SLC25A21: variants seen among roughly 807,000 people sequenced by gnomAD.
The protein encoded by SLC25A21 is solute carrier family 25 member 21, also known as mitochondrial 2-oxodicarboxylate carrier.
A neutral mutation model predicts 43.8 loss-of-function variants in SLC25A21; 47 were observed. The ratio of observed to expected loss-of-function variants is 1.07; its 90% CI spans 0.85 to 1.37. The LOEUF (loss-of-function observed/expected upper bound fraction) is 1.37, where lower values mean the gene tolerates loss of function less well. SLC25A21 is among the 40% of genes most tolerant of loss of function. The pLI is 0.00. For missense variants in SLC25A21, 352 were observed against 350.2 expected (o/e 1.00, Z -0.04); for synonymous variants, 131 against 121.3 (o/e 1.08, Z -0.52).
intron 1 of SLC25A21, among the ~76,000 whole-genome samples, chr14:37,167,957 C>T (rs1452477444): frequency 1.3e-5 from 2 of 152,066 alleles, no homozygotes; most frequent in African/African-American, 4.8e-5. Flanking sequence ...TCCAGTCTCC[C>T]ACACAGCTGG....
intron 1 of SLC25A21, among the ~76,000 whole-genome samples, chr14:37,079,126 C>T (rs757061411): frequency 9.9e-5 from 15 of 152,028 alleles, no homozygotes; most frequent in Non-Finnish European, 2.2e-4. Flanking sequence ...CATCATAGGC[C>T]CTCTGTTGTT....
chr14:36,773,518 T>C (rs2138361949), intron 3 of SLC25A21, among the ~76,000 whole-genome samples: 1 of 152,316 alleles, frequency 6.6e-6, no homozygotes, highest in South Asian at 2.1e-4. Context: ...TAATTTGAAA[T>C]CTAGAACTGT....
chr14:36,679,198 T>TTTTG lies in SLC25A21; in HGVS notation c.*1456_*1459dup. The TTTTG allele has an allele frequency of 1.0e-6, 1 of 985,034 alleles. No homozygotes were observed. The highest frequency in any genetic ancestry group is 4.7e-5 in the South Asian group (1 of 21,284). 61.0% of individuals were successfully genotyped at this position (985,034 alleles called of 1,614,324 possible). A position where few individuals can be genotyped will look rare whatever the true frequency, so the allele number is the denominator to read the frequency against. Reference sequence around the variant, plus strand: ...TTATTTCTTTTTTTTCACAATTTTGTTTTGTTTTTAATGACCCTTTTATTG... The same window carrying TTTTG: ...TTATTTCTTTTTTTTCACAATTTTGTTTTGTTTGTTTTTAATGACCCTTTTATTG... On this transcript the variant is annotated 3_prime_UTR_variant, in exon 10 of 10. Coordinates refer to ENST00000331299, the MANE Select transcript of SLC25A21 (RefSeq NM_030631.4).
chr14:36,853,754 T>C (rs1423335398), intron 2 of SLC25A21, among the ~76,000 whole-genome samples: 1 of 152,236 alleles, frequency 6.6e-6, no homozygotes, highest in Non-Finnish European at 1.5e-5. Flanking sequence ...TTTAATGGTC[T>C]GACCCCTGGG....
chr14:36,946,698 A>G (rs1892686939), intron 1 of SLC25A21, among the ~76,000 whole-genome samples: 1 of 152,150 alleles, frequency 6.6e-6, no homozygotes, highest in Admixed American at 6.6e-5. Flanking sequence ...AATCTAGGTA[A>G]CAGTTGGTTT....
intron 1 of SLC25A21, among the ~76,000 whole-genome samples, chr14:36,906,973 C>G (rs1294181255): frequency 6.6e-6 from 1 of 152,054 alleles, no homozygotes; most frequent in Non-Finnish European, 1.5e-5. Context: ...TCTAGAGGCC[C>G]AGAAAAACAC....
chr14:37,085,460 T>C (rs954087386), intron 1 of SLC25A21, among the ~76,000 whole-genome samples: 1 of 152,232 alleles, frequency 6.6e-6, no homozygotes, highest in African/African-American at 2.4e-5. Flanking sequence ...CATAAAAGTT[T>C]ATATAATTTT....
intron 3 of SLC25A21, among the ~76,000 whole-genome samples, chr14:36,748,690 T>G (rs1162764754): frequency 6.6e-6 from 1 of 152,222 alleles, no homozygotes; most frequent in East Asian, 1.9e-4. Context: ...TTTGTGGACT[T>G]TGTCTGTTTC....
intron 1 of SLC25A21, among the ~76,000 whole-genome samples, chr14:37,079,886 G>C (rs1391459860): frequency 1.3e-5 from 2 of 152,174 alleles, no homozygotes; most frequent in African/African-American, 4.8e-5. Context: ...AGGATGTGGG[G>C]CTTGTGGTAG....
In SLC25A21 at chr14:36,729,058, C is replaced by T. The variant is rs1045267797; in HGVS notation, c.330+449G>A. Among the ~76,000 whole-genome samples the T allele has an allele frequency of 2.6e-5, 4 of 152,176 alleles. No homozygotes were observed. In the East Asian group the frequency reaches 7.7e-4, roughly 29 times the overall value. On this transcript the variant is annotated intron_variant, in intron 5 of 9. Transcript: ENST00000331299. ...TGTTTACAGTCATTCCTATAAAAGG[C>T]CCTTCAGTCTGCATCTGACCACAGA... is the stretch of plus-strand genomic sequence containing the variant.
rs1250937846 is a variant in SLC25A21, at chr14:36,753,503, T to C, written c.204-18930A>G. 2.0e-5 allele frequency among the ~76,000 whole-genome samples: 3 copies of C among 152,162 alleles called. No individual in the cohort carries two copies. The East Asian group carries it at 5.8e-4, about 29-fold the overall frequency. On this transcript the variant is annotated intron_variant, in intron 3 of 9. Coordinates refer to ENST00000331299, the MANE Select transcript of SLC25A21 (RefSeq NM_030631.4). ...ATCTCAGCCATCACTTTATAAGCTT[T>C]AGCTTTCCTTTTCATGTAAAGGGCA...
At chr14:37,010,915 C>A (rs780046898) in intron 1 of SLC25A21, among the ~76,000 whole-genome samples, 2 of 151,832 alleles carry the variant, frequency 1.3e-5, no homozygotes, top group Non-Finnish European at 2.9e-5. Context: ...CAGCTGACTT[C>A]TTTTTCTGTC....
chr14:36,815,358 T>C (rs905088939), intron 2 of SLC25A21, among the ~76,000 whole-genome samples: 4 of 151,906 alleles, frequency 2.6e-5, no homozygotes, highest in Admixed American at 1.3e-4. Flanking sequence ...GAGTAGCTAA[T>C]AGGGCCTAAT....
At chr14:37,111,291 C>T (rs945551699) in intron 1 of SLC25A21, among the ~76,000 whole-genome samples, 1 of 152,120 alleles carries the variant, frequency 6.6e-6, no homozygotes, top group African/African-American at 2.4e-5. Context: ...CTTCTCCCCT[C>T]GCCCCCATGC....
chr14:36,954,273 C>G (rs1169234975), intron 1 of SLC25A21, among the ~76,000 whole-genome samples: 10 of 152,078 alleles, frequency 6.6e-5, no homozygotes, highest in East Asian at 1.9e-4. Context: ...TCATCAGGAC[C>G]TCCCAACTGG....
chr14:36,981,037 G>T (rs1960008500), intron 1 of SLC25A21, among the ~76,000 whole-genome samples: 3 of 151,908 alleles, frequency 2.0e-5, no homozygotes. Flanking sequence ...TATATGAACA[G>T]ACACTTCTCA....
intron 1 of SLC25A21, among the ~76,000 whole-genome samples, chr14:37,031,082 C>T (rs1352548929): frequency 3.3e-5 from 5 of 152,208 alleles, no homozygotes; most frequent in African/African-American, 1.2e-4. Context: ...TAAAACAGAG[C>T]AATTTCCAAC....
intron 1 of SLC25A21, among the ~76,000 whole-genome samples, chr14:37,151,591 G>A (rs1043470210): frequency 1.3e-5 from 2 of 152,230 alleles, no homozygotes; most frequent in African/African-American, 2.4e-5. Context: ...AATACTTGAA[G>A]GGGCTGCTTA....
At chr14:36,735,930 ATT>A (rs776933723) in intron 3 of SLC25A21, among the ~76,000 whole-genome samples, 49 of 84,292 alleles carry the variant, frequency 5.8e-4, no homozygotes, top group African/African-American at 2.3e-3. Flanking sequence ...TCTGGCCACA[ATT>A]TTTTTTTTTT....
Sources: gnomAD v4.1 joint callset for allele counts (sites outside exome capture counted in the v4.1 genomes callset) on GRCh38, gnomAD v4.1.1 for gene constraint, MANE v1.5 for transcripts, NCBI Gene and HGNC (gene_info 2026-07-23, HGNC 2026-07-21) for gene names.